The following DBP variants were observed in gnomAD, a reference collection of about 807,000 sequenced individuals.
DBP encodes D-box binding PAR bZIP transcription factor, also known as D site-binding protein.
A neutral mutation model predicts 21.4 loss-of-function variants in DBP; 12 were observed. The observed-to-expected ratio is 0.56, with a 90% CI of 0.36 to 0.91. The LOEUF (loss-of-function observed/expected upper bound fraction) is 0.91, where lower values mean the gene tolerates loss of function less well. DBP is among the 40% of genes least tolerant of loss of function. The probability of loss-of-function intolerance (pLI) is 0.01; values close to 1 mark genes in which losing one functional copy is unlikely to be tolerated. For synonymous variants in DBP, 213 were observed against 224.9 expected (o/e 0.95, Z 0.47); for missense variants, 423 against 473.4 (o/e 0.89, Z 0.99).
At chr19:48,633,231 G>A in intron 3 of DBP, 1 of 638,714 alleles carries the variant, frequency 1.6e-6, no homozygotes, top group Non-Finnish European at 2.8e-6. Flanking sequence ...ACACGAGTGA[G>A]GCCCCTCGCC....
chr19:48,631,214 G>A (rs2030572631), intron 3 of DBP, 162 bp from the exon 4 acceptor site: 1 of 627,504 alleles, frequency 1.6e-6, no homozygotes, highest in Non-Finnish European at 2.8e-6. Flanking sequence ...AGGAGATTGG[G>A]CCCCTAGCAA....
chr19:48,633,538 A>G lies in DBP; in HGVS notation c.668T>C (p.Phe223Ser), dbSNP rs1384664630. The change falls in exon 3 of 4, where the codon TTT becomes TCT. Residue 223 changes from phenylalanine to serine, a missense_variant. Coordinates refer to ENST00000222122, the MANE Select transcript of DBP (RefSeq NM_001352.5). ...ALSSIPGHET[F>S]DPRRHRFSEE... is the part of the protein sequence containing the mutation. Reference sequence around the variant, plus strand: ...TGAGAAGCGATGTCTTCGAGGGTCAAAGGTCTCGTGGCCAGGAATGCTTGA... The same window carrying G: ...TGAGAAGCGATGTCTTCGAGGGTCAGAGGTCTCGTGGCCAGGAATGCTTGA... 6.2e-7 allele frequency: 1 copy of G among 1,614,086 alleles called. No individual in the cohort carries two copies. The highest frequency in any genetic ancestry group is 1.1e-5 in the South Asian group (1 of 91,080).
Position 48,637,273 on chromosome 19 carries a change from A to G in DBP, c.-279T>C. ...GGTCGGCTCTTTGCAACCGAGGGTG[A>G]GAGGGGACTCAAGGCGCTCCTTCTA... On this transcript the variant is annotated 5_prime_UTR_variant, in exon 1 of 4. Transcript: ENST00000222122. The G allele has an allele frequency of 2.7e-6, 1 of 372,370 alleles. No individual in the cohort carries two copies. The highest frequency in any genetic ancestry group is 4.8e-6 in the Non-Finnish European group (1 of 207,972). The allele number at this position is 372,370 out of a possible 1,614,324, so 23.1% of individuals were successfully genotyped here. A position where few individuals can be genotyped will look rare whatever the true frequency, so the allele number is the denominator to read the frequency against.
Position 48,630,512 on chromosome 19 carries a change from T to A in DBP, c.*325A>T, listed in dbSNP as rs2030524241. 6.5e-7 allele frequency: 1 copy of A among 1,533,004 alleles called. No homozygotes were observed. The highest frequency in any genetic ancestry group is 1.4e-5 in the African/African-American group (1 of 72,792). 95.0% of individuals were successfully genotyped at this position (1,533,004 alleles called of 1,614,324 possible). A position where few individuals can be genotyped will look rare whatever the true frequency, so the allele number is the denominator to read the frequency against. On this transcript the variant is annotated 3_prime_UTR_variant, in exon 4 of 4. Transcript: ENST00000222122. This position sits in a 1 kb window ranked among gnomAD's most constrained non-coding sequence, Gnocchi z 4.9. ...CGACAGCCCGGAGCTGCCCACGGGCTGCAGCCAGTATGCCAGGGAGCTGCC... is the reference window on the plus strand; with the variant it reads ...CGACAGCCCGGAGCTGCCCACGGGCAGCAGCCAGTATGCCAGGGAGCTGCC...
chr19:48,631,276 T>A (rs1206606233), intron 3 of DBP: 8 of 572,258 alleles, frequency 1.4e-5, no homozygotes, highest in Non-Finnish European at 2.2e-5. Context: ...GCTTCAAGTC[T>A]CCACTCTGCA....
At chr19:48,634,520 G>A (rs1254535707) in intron 2 of DBP, 5 of 206,400 alleles carry the variant, frequency 2.4e-5, no homozygotes, top group Non-Finnish European at 4.3e-5. Context: ...TTAAGCACCA[G>A]CCAGCCGGGG....
chr19:48,636,786 C>T, intron 1 of DBP, 70 bp downstream of exon 1: 1 of 1,549,598 alleles, frequency 6.5e-7, no homozygotes, highest in African/African-American at 1.4e-5. Flanking sequence ...TATGGGACCC[C>T]ACCCCACGGC....
chr19:48,635,350 G>T (rs879200877), intron 2 of DBP: 1 of 1,330,192 alleles, frequency 7.5e-7, no homozygotes, highest in Non-Finnish European at 9.7e-7. Context: ...TCATTGGGCA[G>T]GCTTCCTGGA....
chr19:48,635,600 G>A lies in DBP; in HGVS notation c.530C>T (p.Thr177Ile), dbSNP rs754115103. Residue 177 changes from threonine (T) to isoleucine (I), a missense_variant, in exon 2 of 4, where the codon ACC becomes ATC. Thr to Ile is a moderately conservative substitution (Grantham distance 89). Around this residue, in one of 4 missense-constraint regions of DBP, gnomAD observed 283 missense variants for 273.7 expected, o/e 1.03. Transcript: ENST00000222122. ...GHAPARAALG[T>I]ASGHRAGLTS... ...CGCACCTGCGCGGTGGCCGCTGGCG[G>A]TCCCGAGGGCAGCCCGGGCGGGGGC... The A allele has an allele frequency of 1.5e-6, 2 of 1,359,574 alleles. No homozygotes were observed. Among genetic ancestry groups the A allele is most frequent in the South Asian group, 3.5e-5 (2 of 56,908 alleles). 84.2% of individuals were successfully genotyped at this position (1,359,574 alleles called of 1,614,324 possible).
rs148363247 is a variant in DBP, at chr19:48,630,868, G to C, written c.947C>G (p.Ser316Cys). The change falls in exon 4 of 4, where the codon TCC (serine) becomes TGC (cysteine). Residue 316 changes from serine to cysteine, a missense_variant. Transcript: ENST00000222122. The surrounding 1 kb of genome is among the most constrained non-coding windows in gnomAD (Gnocchi z 4.9). ...QELSHYRAVL[S>C]RYQAQHGAL is the part of the protein sequence containing the mutation. ...GGCCCCGTGCTGGGCCTGGTATCGG[G>C]ACAGCACGGCGCGGTAGTGGGACAG... 2 of 1,605,940 alleles carry C rather than the reference G, an allele frequency of 1.2e-6. No homozygotes were observed. Among genetic ancestry groups the C allele is most frequent in the African/African-American group, 1.3e-5 (1 of 74,844 alleles).
At chr19:48,636,731 G>C in intron 1 of DBP, 125 bp downstream of exon 1, 1 of 1,182,404 alleles carries the variant, frequency 8.5e-7, no homozygotes, top group Admixed American at 2.6e-5. Context: ...CTGAGTAATT[G>C]AGTAGATTAA....
intron 3 of DBP, chr19:48,632,513 C>T (rs896837414): frequency 6.6e-6 from 1 of 152,216 alleles, no homozygotes; most frequent in Non-Finnish European, 1.5e-5. Context: ...GATCCGCCCA[C>T]CTCAGCCTCC....
chr19:48,636,952 G>C lies in DBP; in HGVS notation c.43C>G (p.Leu15Val), dbSNP rs2030832225. The C allele has an allele frequency of 3.9e-5, 60 of 1,555,552 alleles. No individual in the cohort carries two copies. The highest frequency in any genetic ancestry group is 5.1e-5 in the Non-Finnish European group (59 of 1,152,530). The change falls in exon 1 of 4, where the codon CTG becomes GTG. Residue 15 changes from leucine to valine, a missense_variant. Leu to Val is a conservative substitution (Grantham distance 32). Around this residue, in one of 4 missense-constraint regions of DBP, gnomAD observed 283 missense variants for 273.7 expected, o/e 1.03. Transcript: ENST00000222122. ...GGGGGTGTCCCGGCCGGGCCGCCCA[G>C]CAGCAGAGGGGCCGGGGTCCTGTCG... ...VSDRTPAPLL[L>V]GGPAGTPPGG...
chr19:48,635,723 C>T lies in DBP; in HGVS notation c.407G>A (p.Gly136Asp). The change falls in exon 2 of 4, where the codon GGT (glycine) becomes GAT (aspartate). Residue 136 changes from glycine (G) to aspartate (D), a missense_variant. Around this residue, in one of 4 missense-constraint regions of DBP, gnomAD observed 283 missense variants for 273.7 expected, o/e 1.03. Coordinates refer to ENST00000222122, the MANE Select transcript of DBP (RefSeq NM_001352.5). ...HGLPPSPPPP[G>D]GPSPEPSPAR... The stretch of plus-strand genomic sequence containing the variant: ...GGGCGACGGCTCCGGCGACGGGCCA[C>T]CGGGGGGCGGCGGGCTGGGCGGGAG... The T allele has an allele frequency of 7.4e-7, 1 of 1,346,380 alleles. No individual in the cohort carries two copies. The highest frequency in any genetic ancestry group is 1.9e-5 in the South Asian group (1 of 52,082). 83.4% of individuals were successfully genotyped at this position (1,346,380 alleles called of 1,614,324 possible). A position where few individuals can be genotyped will look rare whatever the true frequency, so the allele number is the denominator to read the frequency against.
Position 48,635,624 on chromosome 19 carries a change from G to C in DBP, c.506C>G (p.Ala169Gly). ...GGTCCCGAGGGCAGCCCGGGCGGGG[G>C]CGTGCCCAGGAGAGGAGCGGGGGGA... ...SASPRSSPGHAPARAALGTAS... is the reference protein window; with the variant it reads ...SASPRSSPGHGPARAALGTAS... The change falls in exon 2 of 4, where the codon GCC becomes GGC. Residue 169 changes from alanine (A) to glycine (G), a missense_variant. By Grantham distance (60) the Ala-to-Gly change is moderately conservative (BLOSUM62 0). This residue lies in a region of DBP where 283 missense variants were observed against 273.7 expected (regional missense o/e 1.03). Transcript: ENST00000222122. 7.5e-7 allele frequency: 1 copy of C among 1,342,240 alleles called. No individual in the cohort carries two copies. Among genetic ancestry groups the C allele is most frequent in the Non-Finnish European group, 9.5e-7 (1 of 1,056,236 alleles). The allele number at this position is 1,342,240 out of a possible 1,614,324, so 83.1% of individuals were successfully genotyped here. A position where few individuals can be genotyped will look rare whatever the true frequency, so the allele number is the denominator to read the frequency against.
chr19:48,636,807 C>T, intron 1 of DBP, 49 bp downstream of exon 1: 1 of 1,599,972 alleles, frequency 6.3e-7, no homozygotes. Context: ...ACCTGAGTCC[C>T]TAAGGGGGTA....
chr19:48,633,820 G>A (rs983955628), intron 2 of DBP, 165 bp from the exon 3 acceptor site: 8 of 644,914 alleles, frequency 1.2e-5, no homozygotes, highest in Non-Finnish European at 1.9e-5. Flanking sequence ...GGTTCCCTTG[G>A]CCAGGCGCAG....
At chr19:48,636,118 G>T in intron 1 of DBP, 128 bp from the exon 2 acceptor site, 1 of 911,006 alleles carries the variant, frequency 1.1e-6, no homozygotes, top group Non-Finnish European at 1.5e-6. Context: ...TCGGAGAGGA[G>T]AGACGGGAGA....
intron 1 of DBP, among the ~76,000 whole-genome samples, 155 bp from the exon 2 acceptor site, chr19:48,636,145 C>T (rs557541180): frequency 6.6e-6 from 1 of 152,098 alleles, no homozygotes; most frequent in East Asian, 1.9e-4. Flanking sequence ...GACGGAGACG[C>T]AGAGTGGGAG....
Sources: gnomAD v4.1 joint callset for allele counts (sites outside exome capture counted in the v4.1 genomes callset) on GRCh38, gnomAD v4.1.1 for gene constraint, gnomAD v4.1.1 regional missense constraint, Gnocchi (gnomAD v3.1) non-coding constraint, MANE v1.5 for transcripts, NCBI Gene and HGNC (gene_info 2026-07-23, HGNC 2026-07-21) for gene names.